LRBA: variants seen among roughly 807,000 people sequenced by gnomAD.
The protein encoded by LRBA is LPS responsive beige-like anchor protein.
Under a neutral mutation model 330.0 loss-of-function variants are expected in LRBA, and 176 were observed. The ratio of observed to expected loss-of-function variants is 0.53; its 90% CI spans 0.47 to 0.60. The LOEUF is 0.60. Ranked by LOEUF, LRBA falls within the 20% of genes least tolerant of loss-of-function variation. The pLI is 0.00. For missense variants in LRBA, 3,259 were observed against 3,444.8 expected, an observed-to-expected ratio of 0.95 and a Z score of 1.35; for synonymous variants, 1,230 against 1,193.0, an observed-to-expected ratio of 1.03 and a Z score of -0.64.
chr4:150,953,200 A>G (rs1310198562), intron 2 of LRBA, among the ~76,000 whole-genome samples: 1 of 152,214 alleles, frequency 6.6e-6, no homozygotes, highest in African/African-American at 2.4e-5. Context: ...TAATAGAACA[A>G]CTCAGCAGAA....
intron 35 of LRBA, among the ~76,000 whole-genome samples, chr4:150,750,610 T>G (rs1264324701): frequency 6.6e-6 from 1 of 152,070 alleles, no homozygotes; most frequent in Non-Finnish European, 1.5e-5. Flanking sequence ...ACCCAATTTT[T>G]TTTAAAGAGA....
chr4:150,489,872 T>C (rs1455007478), intron 41 of LRBA, among the ~76,000 whole-genome samples: 3 of 149,150 alleles, frequency 2.0e-5, no homozygotes, highest in African/African-American at 7.4e-5. Flanking sequence ...AAAATCATCA[T>C]AGGTTATGGC....
intron 36 of LRBA, among the ~76,000 whole-genome samples, chr4:150,717,667 C>CAATAGT (rs996585358): frequency 6.3e-5 from 1 of 15,972 alleles, no homozygotes; most frequent in African/African-American, 1.3e-4. Context: ...CTCAAAATAA[C>CAATAGT]AATAATAGTA....
At chr4:150,935,664 C>T (rs895068966) in intron 2 of LRBA, among the ~76,000 whole-genome samples, 1 of 151,602 alleles carries the variant, frequency 6.6e-6, no homozygotes, top group Non-Finnish European at 1.5e-5. Flanking sequence ...AAGGGAAATT[C>T]TATACAAAAA....
chr4:150,423,279 G>A lies in LRBA; in HGVS notation c.7042-7689C>T, dbSNP rs1581263735. The A allele has an allele frequency of 3.4e-6, 3 of 889,074 alleles. No homozygotes were observed. The East Asian group carries it at 7.2e-5, about 21-fold the overall frequency. The allele number at this position is 889,074 out of a possible 1,614,324, so 55.1% of individuals were successfully genotyped here. A position where few individuals can be genotyped will look rare whatever the true frequency, so the allele number is the denominator to read the frequency against. On this transcript the variant is annotated intron_variant, in intron 46 of 56. Coordinates refer to ENST00000651943, the MANE Select transcript of LRBA (RefSeq NM_001364905.1). Reference sequence around the variant, plus strand: ...GCCGCCTCCCAGCATCTCCTGTAGGGGTGTCTCCCTTCAAACATTCCTAAT... The same window carrying A: ...GCCGCCTCCCAGCATCTCCTGTAGGAGTGTCTCCCTTCAAACATTCCTAAT...
chr4:150,896,531 T>C, intron 15 of LRBA, 75 bp from the exon 16 acceptor site: 1 of 768,692 alleles, frequency 1.3e-6, no homozygotes, highest in Non-Finnish European at 2.2e-6. Context: ...CACATAGATT[T>C]GTCAAGTTGG....
At chr4:150,790,593 C>G (rs1578791788) in intron 34 of LRBA, among the ~76,000 whole-genome samples, 3 of 152,138 alleles carry the variant, frequency 2.0e-5, no homozygotes, top group African/African-American at 7.2e-5. Context: ...GTTTGCATAT[C>G]AGCAATAAAG....
intron 50 of LRBA, among the ~76,000 whole-genome samples, chr4:150,320,405 T>C (rs888528408): frequency 7.3e-6 from 1 of 137,332 alleles, no homozygotes; most frequent in Non-Finnish European, 1.6e-5. Flanking sequence ...ATTTTGGCTA[T>C]GTAATTTAAG....
intron 53 of LRBA, 70 bp downstream of exon 53, chr4:150,302,555 G>C: frequency 9.5e-7 from 1 of 1,055,618 alleles, no homozygotes; most frequent in Non-Finnish European, 1.3e-6. Flanking sequence ...TAACAAAAAG[G>C]TAACTTTACT....
At chr4:150,303,193 T>C (rs1729897402) in intron 52 of LRBA, among the ~76,000 whole-genome samples, 1 of 152,238 alleles carries the variant, frequency 6.6e-6, no homozygotes, top group African/African-American at 2.4e-5. Context: ...GTTGCTTTTC[T>C]GTAAAAGTAC....
chr4:150,893,313 C>T (rs1729670898), intron 16 of LRBA, among the ~76,000 whole-genome samples, 164 bp from the exon 17 acceptor site: 1 of 152,142 alleles, frequency 6.6e-6, no homozygotes, highest in Non-Finnish European at 1.5e-5. Context: ...TAAACATTCA[C>T]CTCTGTAACT....
chr4:150,972,682 T>C (rs1400310146), intron 2 of LRBA, among the ~76,000 whole-genome samples: 1 of 152,240 alleles, frequency 6.6e-6, no homozygotes, highest in Non-Finnish European at 1.5e-5. Context: ...GAAAAACATG[T>C]ACTACTTTAA....
chr4:150,715,390 T>G (rs1041565348), intron 36 of LRBA, among the ~76,000 whole-genome samples: 1 of 152,100 alleles, frequency 6.6e-6, no homozygotes, highest in African/African-American at 2.4e-5. Context: ...CCATAAATAA[T>G]TAAGAATTAA....
rs576124044 is a variant in LRBA, at chr4:150,451,266, T to A, written c.6781-14402A>T. ...CAACAGAATATGCACTCTTTTCAAA[T>A]GCACATGGAACATTAATCAAGGTAG... On this transcript the variant is annotated intron_variant, in intron 44 of 56. Transcript: ENST00000651943. Among the ~76,000 whole-genome samples the A allele has an allele frequency of 7.9e-5, 12 of 152,318 alleles. No individual in the cohort carries two copies. In the South Asian group the frequency reaches 2.5e-3, roughly 32 times the overall value.
At chr4:150,362,356 C>A (rs912245887) in intron 47 of LRBA, among the ~76,000 whole-genome samples, 6 of 152,126 alleles carry the variant, frequency 3.9e-5, no homozygotes, top group Non-Finnish European at 8.8e-5. Context: ...TTCATGATTT[C>A]TTTGTTCAGT....
At chr4:150,877,356 G>A (rs1291933806) in intron 17 of LRBA, among the ~76,000 whole-genome samples, 1 of 150,878 alleles carries the variant, frequency 6.6e-6, no homozygotes, top group Non-Finnish European at 1.5e-5. Flanking sequence ...AGAGAGAACA[G>A]AGAAAAAGAG....
chr4:150,859,405 C>T (rs564105614), intron 22 of LRBA, among the ~76,000 whole-genome samples: 18 of 151,994 alleles, frequency 1.2e-4, no homozygotes, highest in African/African-American at 4.3e-4. Flanking sequence ...TGAGTAAAAG[C>T]ATTTTATCAT....
chr4:150,622,342 C>T (rs1215001346), intron 37 of LRBA, among the ~76,000 whole-genome samples: 1 of 152,108 alleles, frequency 6.6e-6, no homozygotes, highest in Non-Finnish European at 1.5e-5. Flanking sequence ...AGGTCAAGAC[C>T]AGTCTAGGCA....
chr4:150,408,730 G>A (rs1461944546), intron 47 of LRBA, among the ~76,000 whole-genome samples: 1 of 152,084 alleles, frequency 6.6e-6, no homozygotes, highest in Non-Finnish European at 1.5e-5. Context: ...ATTTGTGAAT[G>A]CAAGGCTGGT....
Sources: allele counts gnomAD v4.1 joint callset (sites outside exome capture counted in the v4.1 genomes callset), GRCh38; gene constraint gnomAD v4.1.1; transcripts MANE v1.5; gene names NCBI Gene and HGNC (gene_info 2026-07-23, HGNC 2026-07-21).